GAS2: variants seen among roughly 807,000 people sequenced by gnomAD.
The protein encoded by GAS2 is growth arrest specific 2.
GAS2 carries 20 observed loss-of-function variants against 37.5 expected under a neutral mutation model. The observed-to-expected ratio is 0.53, with a 90% CI of 0.37 to 0.77. The LOEUF (loss-of-function observed/expected upper bound fraction) is 0.77, where lower values mean the gene tolerates loss of function less well. Ranked by LOEUF, GAS2 falls within the 30% of genes least tolerant of loss-of-function variation. The pLI is 0.00. For synonymous variants in GAS2, 144 were observed against 132.2 expected (o/e 1.09, Z -0.61); for missense variants, 336 against 373.4 (o/e 0.90, Z 0.82).
intron 4 of GAS2, among the ~76,000 whole-genome samples, chr11:22,732,282 A>C (rs186114144): frequency 1.8e-3 from 276 of 151,810 alleles, no homozygotes; most frequent in Non-Finnish European, 2.5e-3. Flanking sequence ...GCTAGAGGAA[A>C]AAAGAGCGCT....
At chr11:22,806,396 CT>C (rs1189883277) in intron 7 of GAS2, among the ~76,000 whole-genome samples, 7 of 152,272 alleles carry the variant, frequency 4.6e-5, no homozygotes, top group South Asian at 2.1e-4. Flanking sequence ...GTGAATAGTG[CT>C]GCAGTAAACC....
At chr11:22,718,832 C>T (rs1038958619) in intron 3 of GAS2, among the ~76,000 whole-genome samples, 1 of 151,734 alleles carries the variant, frequency 6.6e-6, no homozygotes, top group Non-Finnish European at 1.5e-5. Flanking sequence ...CATATGCAAA[C>T]GATTAGTTGG....
chr11:22,646,527 G>T (rs2133824335), intron 1 of GAS2, among the ~76,000 whole-genome samples: 1 of 152,202 alleles, frequency 6.6e-6, no homozygotes, highest in South Asian at 2.1e-4. Flanking sequence ...TATAATCAAG[G>T]AACATAAACT....
At chr11:22,680,428 T>G (rs1849624684) in intron 2 of GAS2, among the ~76,000 whole-genome samples, 1 of 152,096 alleles carries the variant, frequency 6.6e-6, no homozygotes, top group Non-Finnish European at 1.5e-5. Flanking sequence ...AACTTGAAAC[T>G]TTTGTCTCAA....
intron 1 of GAS2, among the ~76,000 whole-genome samples, chr11:22,650,226 T>A (rs1337538583): frequency 6.6e-6 from 1 of 150,960 alleles, no homozygotes; most frequent in Non-Finnish European, 1.5e-5. Flanking sequence ...AGTTGAGCGG[T>A]TTTGAGTGAG....
chr11:22,688,794 G>T (rs1385661685), intron 3 of GAS2, among the ~76,000 whole-genome samples: 1 of 152,036 alleles, frequency 6.6e-6, no homozygotes, highest in Non-Finnish European at 1.5e-5. Flanking sequence ...ACAAGTGGAG[G>T]TTTAAAAATA....
intron 3 of GAS2, among the ~76,000 whole-genome samples, chr11:22,697,223 T>C (rs1359957245): frequency 6.6e-6 from 1 of 151,982 alleles, no homozygotes; most frequent in East Asian, 1.9e-4. Context: ...TTGCTTGTTT[T>C]TCTCAGGTTT....
intron 1 of GAS2, among the ~76,000 whole-genome samples, chr11:22,668,931 A>G (rs1849094018): frequency 6.6e-6 from 1 of 152,202 alleles, no homozygotes; most frequent in Non-Finnish European, 1.5e-5. Flanking sequence ...GAAGGTTTCC[A>G]CTCAATGTTT....
rs537607198 is a variant in GAS2 at position 22,679,029 on chromosome 11, AAGTGGTTAAT to A, written c.145+4019_145+4028del. On this transcript the variant is annotated intron_variant, in intron 2 of 7. Transcript: ENST00000454584. ...GTAATGTTAACTAGTTAAAATGAAT[AAGTGGTTAAT>A]AGTAGCTGGGATTTCTCTAGGGGGT... 1.5e-4 allele frequency among the ~76,000 whole-genome samples: 23 copies of A among 152,222 alleles called. 1 individual carries two copies. The highest frequency in any genetic ancestry group is 1.4e-3 in the Admixed American group (22 of 15,276).
intron 7 of GAS2, among the ~76,000 whole-genome samples, chr11:22,805,701 T>G (rs893175811): frequency 6.6e-6 from 1 of 152,132 alleles, no homozygotes; most frequent in African/African-American, 2.4e-5. Context: ...AAAGCAAGTA[T>G]GTTAAGAAAG....
intron 3 of GAS2, among the ~76,000 whole-genome samples, chr11:22,710,777 G>A (rs905830784): frequency 6.6e-6 from 1 of 152,032 alleles, no homozygotes; most frequent in African/African-American, 2.4e-5. Flanking sequence ...TGACTTAAGG[G>A]TTTCCAAGAT....
intron 7 of GAS2, among the ~76,000 whole-genome samples, chr11:22,811,366 C>T (rs938390571): frequency 2.0e-5 from 3 of 152,156 alleles, no homozygotes; most frequent in African/African-American, 7.2e-5. Context: ...TGACTCTTAG[C>T]ATTGTAATTC....
At chr11:22,796,916 A>C (rs2134613237) in intron 7 of GAS2, among the ~76,000 whole-genome samples, 1 of 152,180 alleles carries the variant, frequency 6.6e-6, no homozygotes, top group South Asian at 2.1e-4. Flanking sequence ...CTTCCTAAAT[A>C]GGTTATTATA....
At chr11:22,698,548 C>G (rs4923017) in intron 3 of GAS2, among the ~76,000 whole-genome samples, 25,761 of 148,178 alleles carry the variant, frequency 0.17, 2,469 homozygotes, top group East Asian at 0.35. Context: ...ACACCAAAGC[C>G]AGGCAGAGAC....
intron 7 of GAS2, among the ~76,000 whole-genome samples, chr11:22,807,203 A>C (rs1260032045): frequency 6.6e-6 from 1 of 152,212 alleles, no homozygotes; most frequent in Non-Finnish European, 1.5e-5. Context: ...CAGAGCACTG[A>C]CTAGGTCCAT....
chr11:22,685,650 T>C lies in GAS2; in HGVS notation c.146-18T>C. ...ACATTTGATTTTCCTTTTATAATGC[T>C]TCTTTTTGTTATTTCAGGGAAGGAG... On this transcript the variant is annotated intron_variant, in intron 2 of 7. Coordinates refer to ENST00000454584, the MANE Select transcript of GAS2 (RefSeq NM_001143830.3). The C allele has an allele frequency of 6.2e-7, 1 of 1,607,402 alleles. No homozygotes were observed. The highest frequency in any genetic ancestry group is 8.5e-7 in the Non-Finnish European group (1 of 1,177,312).
chr11:22,729,212 T>G (rs1000668541), intron 4 of GAS2, among the ~76,000 whole-genome samples: 4 of 151,990 alleles, frequency 2.6e-5, no homozygotes, highest in African/African-American at 7.2e-5. Context: ...CTTCTGTGTT[T>G]AGCTGTTCAA....
Position 22,671,542 on chromosome 11 carries a change from G to A in GAS2, c.-20-3308G>A, listed in dbSNP as rs147341815. Among the ~76,000 whole-genome samples the A allele has an allele frequency of 8.5e-3, 1,292 of 152,168 alleles. 13 individuals are homozygous for A. The highest frequency in any genetic ancestry group is 0.015 in the Non-Finnish European group (997 of 67,930). On this transcript the variant is annotated intron_variant, in intron 1 of 7. Coordinates refer to ENST00000454584, the MANE Select transcript of GAS2 (RefSeq NM_001143830.3). ...CTCCCTAACCTACTGCTTTCTTCAA[G>A]TCTAGTGGATCATCAGTCACTTTAT...
chr11:22,772,563 G>T (rs1004388542), intron 7 of GAS2, among the ~76,000 whole-genome samples: 1 of 152,148 alleles, frequency 6.6e-6, no homozygotes, highest in Non-Finnish European at 1.5e-5. Flanking sequence ...AAAAATCGCT[G>T]AAGTTAGTAT....
Sources: allele counts gnomAD v4.1 joint callset (sites outside exome capture counted in the v4.1 genomes callset), GRCh38; gene constraint gnomAD v4.1.1; transcripts MANE v1.5; gene names NCBI Gene and HGNC (gene_info 2026-07-23, HGNC 2026-07-21).